The following SMS variants were observed in gnomAD, a reference collection of about 807,000 sequenced individuals.
SMS encodes spermidine aminopropyltransferase.
SMS carries 3 observed loss-of-function variants against 33.0 expected under a neutral mutation model. The observed-to-expected ratio is 0.09, with a 90% confidence interval of 0.04 to 0.23. SMS has a LOEUF of 0.23. SMS is among the 10% of genes least tolerant of loss of function. The pLI is 1.00. For missense variants in SMS, 117 were observed against 288.6 expected (o/e 0.41, Z 4.31); for synonymous variants, 103 against 112.2 (o/e 0.92, Z 0.52).
rs1921695426 is a variant in SMS, at chrX:21,940,797, C to CA, written c.-27dup. The CA allele has an allele frequency of 1.8e-6, 2 of 1,100,346 alleles. No homozygotes were observed. Among genetic ancestry groups the CA allele is most frequent in the Non-Finnish European group, 2.4e-6 (2 of 836,887 alleles). 90.7% of individuals were successfully genotyped at this position (1,100,346 alleles called of 1,213,427 possible). On this transcript the variant is annotated 5_prime_UTR_variant, in exon 1 of 11. Coordinates refer to ENST00000404933, the MANE Select transcript of SMS (RefSeq NM_004595.5). ...CCCCAGTCTCCCGCGGCTGCTCCCC[C>CA]AGGCATGGCACAGGGCCTCGCCTCA... is the stretch of plus-strand genomic sequence containing the variant.
intron 4 of SMS, among the ~76,000 whole-genome samples, chrX:21,973,550 C>G (rs189755802): frequency 9.8e-5 from 11 of 112,739 alleles, no homozygotes; most frequent in African/African-American, 3.5e-4. Context: ...AAGAGACTTC[C>G]GACAGGGTGG....
At chrX:21,983,143 G>A (rs995910740) in intron 7 of SMS, among the ~76,000 whole-genome samples, 3 of 110,927 alleles carry the variant, frequency 2.7e-5, no homozygotes, top group African/African-American at 6.6e-5. Flanking sequence ...GGGCTCAAGC[G>A]ATCCTCCCAC....
intron 9 of SMS, among the ~76,000 whole-genome samples, chrX:21,986,305 A>G (rs750563684): frequency 5.6e-4 from 50 of 89,656 alleles, no homozygotes; most frequent in Non-Finnish European, 8.4e-4. Context: ...CCGAGATTGC[A>G]CCACTGTACT....
At chrX:21,982,189 T>C (rs1924999065) in intron 7 of SMS, among the ~76,000 whole-genome samples, 1 of 107,449 alleles carries the variant, frequency 9.3e-6, no homozygotes, top group Admixed American at 1.0e-4. Context: ...CAAAAAAAAA[T>C]TAGCTGGGCG....
At chrX:21,991,893 CTCTT>C (rs1193069300) in intron 9 of SMS, among the ~76,000 whole-genome samples, 6 of 111,825 alleles carry the variant, frequency 5.4e-5, no homozygotes, top group South Asian at 7.4e-4. Flanking sequence ...AGGCCGGTGG[CTCTT>C]TCTTTGTTCA....
In SMS at chrX:21,992,780, A is replaced by G. The variant is rs1242342332; in HGVS notation, c.1061+68A>G. The G allele has an allele frequency of 4.8e-6, 3 of 620,352 alleles. No homozygotes were observed. In the African/African-American group the frequency reaches 6.5e-5, roughly 14 times the overall value. The allele number at this position is 620,352 out of a possible 1,213,427, so 51.1% of individuals were successfully genotyped here. On this transcript the variant is annotated intron_variant, in intron 10 of 10. Coordinates refer to ENST00000404933, the MANE Select transcript of SMS (RefSeq NM_004595.5). ...CAAGTAAATCATATGCCAATGAAAA[A>G]ATTTAAATCACAATAATAAACAATT...
intron 1 of SMS, among the ~76,000 whole-genome samples, chrX:21,961,846 T>C (rs1923378621): frequency 8.9e-6 from 1 of 112,192 alleles, no homozygotes; most frequent in Non-Finnish European, 1.9e-5. Context: ...TGTTCTAGCC[T>C]GGCCATTGAA....
chrX:21,964,533 C>G (rs1231703357), intron 1 of SMS, among the ~76,000 whole-genome samples: 3 of 111,316 alleles, frequency 2.7e-5, no homozygotes, highest in African/African-American at 9.8e-5. Flanking sequence ...AGGGGTTGCT[C>G]TAGTTCTTAG....
At chrX:21,970,860 A>T (rs1924099830) in intron 2 of SMS, among the ~76,000 whole-genome samples, 1 of 109,388 alleles carries the variant, frequency 9.1e-6, no homozygotes, top group South Asian at 3.9e-4. Flanking sequence ...AGTAGGAGGT[A>T]ATCATAACCC....
At position 21,994,790 on chromosome X, in the gene SMS, G is replaced by C. The variant is rs1925979592; in HGVS notation, c.*439G>C. ...ATTAAAATTTGGTGCTTATAAGAGA[G>C]AGTTAAAAAAAAATAGGATTGCTTC... is the stretch of plus-strand genomic sequence containing the variant. On this transcript the variant is annotated 3_prime_UTR_variant, in exon 11 of 11. Transcript: ENST00000404933. 1.4e-6 allele frequency: 1 copy of C among 729,970 alleles called. No individual in the cohort carries two copies. Among genetic ancestry groups the C allele is most frequent in the Admixed American group, 9.6e-5 (1 of 10,428 alleles). 60.2% of individuals were successfully genotyped at this position (729,970 alleles called of 1,213,427 possible). A position where few individuals can be genotyped will look rare whatever the true frequency, so the allele number is the denominator to read the frequency against.
chrX:21,972,961 C>T (rs1202729816), intron 4 of SMS, among the ~76,000 whole-genome samples: 10 of 108,706 alleles, frequency 9.2e-5, no homozygotes, highest in Non-Finnish European at 3.8e-5. Flanking sequence ...CAGTGTGGTC[C>T]CCAGTAGTGT....
intron 4 of SMS, among the ~76,000 whole-genome samples, chrX:21,976,461 G>A (rs1171222578): frequency 9.0e-6 from 1 of 111,048 alleles, no homozygotes; most frequent in Admixed American, 9.6e-5. Context: ...TAACCATGAA[G>A]AGTGAGAGAT....
chrX:21,973,672 C>G (rs940482964), intron 4 of SMS, among the ~76,000 whole-genome samples: 1 of 113,068 alleles, frequency 8.8e-6, no homozygotes, highest in South Asian at 3.6e-4. Context: ...TTCAAGTGAT[C>G]ATGAGGAAAA....
At chrX:21,941,672 G>A (rs1921787994) in intron 1 of SMS, among the ~76,000 whole-genome samples, 1 of 109,119 alleles carries the variant, frequency 9.2e-6, no homozygotes, top group Non-Finnish European at 1.9e-5. Flanking sequence ...GGATCACGAG[G>A]TCAGGAGTTC....
intron 1 of SMS, 73 bp downstream of exon 1, chrX:21,940,946 G>T (rs1272375770): frequency 1.6e-6 from 1 of 631,544 alleles, no homozygotes; most frequent in South Asian, 6.3e-5. Flanking sequence ...GGCGGGGGTC[G>T]GGCGTGGCGT....
In SMS at chrX:21,985,975, C is replaced by T. The variant is rs147133628; in HGVS notation, c.945+752C>T. Among the ~76,000 whole-genome samples, 471 of 110,671 alleles carry T rather than the reference C, an allele frequency of 4.3e-3. 9 individuals carry two copies. Among genetic ancestry groups the T allele is most frequent in the Admixed American group, 0.034 (352 of 10,309 alleles). ...GGTTGAAGCTGTAGTGAGCTGTGAT[C>T]GTGCCACTGCCCTCCAGCCTGGGTG... On this transcript the variant is annotated intron_variant, in intron 9 of 10. Transcript: ENST00000404933.
chrX:21,966,344 T>G (rs894964946), intron 1 of SMS, among the ~76,000 whole-genome samples: 8 of 112,538 alleles, frequency 7.1e-5, no homozygotes, highest in African/African-American at 2.6e-4. Context: ...TGTTTTACAT[T>G]TATTAGGGAA....
intron 1 of SMS, among the ~76,000 whole-genome samples, chrX:21,957,625 A>T (rs1442552896): frequency 9.0e-6 from 1 of 111,714 alleles, no homozygotes; most frequent in Non-Finnish European, 1.9e-5. Context: ...CTGGGTATAT[A>T]CCCAGTAATG....
chrX:21,982,538 T>G (rs1925035598), intron 7 of SMS, among the ~76,000 whole-genome samples: 1 of 112,015 alleles, frequency 8.9e-6, no homozygotes, highest in African/African-American at 3.2e-5. Context: ...ACACACGGCT[T>G]CTAGCCGGTG....
Sources: gnomAD v4.1 joint callset for allele counts (sites outside exome capture counted in the v4.1 genomes callset) on GRCh38, gnomAD v4.1.1 for gene constraint, MANE v1.5 for transcripts, NCBI Gene and HGNC (gene_info 2026-07-23, HGNC 2026-07-21) for gene names.